The following MAP4K1 variants were observed in gnomAD, a reference collection of about 807,000 sequenced individuals.
The protein encoded by MAP4K1 is MAPK/ERK kinase kinase kinase 1.
A neutral mutation model predicts 122.8 loss-of-function variants in MAP4K1; 35 were observed. That is an observed-to-expected ratio of 0.29 (90% CI 0.22 to 0.38). The LOEUF (loss-of-function observed/expected upper bound fraction) is 0.38, where lower values mean the gene tolerates loss of function less well. Among genes scored for constraint, MAP4K1 ranks in the 10% least tolerant of loss-of-function variants. The pLI, the probability that MAP4K1 is intolerant of heterozygous loss-of-function variation, is 1.00. For synonymous variants in MAP4K1, 412 were observed against 421.3 expected, an observed-to-expected ratio of 0.98 and a Z score of 0.27; for missense variants, 791 against 1,072.6, an observed-to-expected ratio of 0.74 and a Z score of 3.67.
intron 17 of MAP4K1, 115 bp from the exon 18 acceptor site, chr19:38,605,845 C>G: frequency 1.0e-6 from 1 of 986,170 alleles, no homozygotes; most frequent in Non-Finnish European, 1.5e-6. Context: ...CTCTGACCCA[C>G]CCCCCCGACA....
At chr19:38,590,267 T>C (rs1883636179) in intron 30 of MAP4K1, among the ~76,000 whole-genome samples, 1 of 149,270 alleles carries the variant, frequency 6.7e-6, no homozygotes, top group South Asian at 2.1e-4. Flanking sequence ...TCCTTTAATT[T>C]TTAAAAAGGT....
rs1974920816 is a variant in MAP4K1, at chr19:38,597,327, C to T, written c.1836G>A (p.Val612=). The T allele has an allele frequency of 6.2e-7, 1 of 1,614,060 alleles. No homozygotes were observed. The highest frequency in any genetic ancestry group is 8.5e-7 in the Non-Finnish European group (1 of 1,180,040). ...QDTKGCRACC[V]AEGASSGGPF... Reference sequence around the variant, plus strand: ...CACACCCGTGAAGCTCTCTCTCACCCACACAGCACGCCCGGCAGCCTTTGG... The same window carrying T: ...CACACCCGTGAAGCTCTCTCTCACCTACACAGCACGCCCGGCAGCCTTTGG... Residue 612 remains valine, a splice_region_variant and synonymous_variant, in exon 24 of 31, where the codon GTG becomes GTA. Coordinates refer to ENST00000396857, the MANE Select transcript of MAP4K1 (RefSeq NM_001042600.3). The surrounding 1 kb of genome is among the most constrained non-coding windows in gnomAD (Gnocchi z 4.6).
chr19:38,588,458 AG>A (rs199546431), intron 30 of MAP4K1, among the ~76,000 whole-genome samples: 7 of 152,058 alleles, frequency 4.6e-5, no homozygotes, highest in African/African-American at 1.7e-4. Flanking sequence ...TGGGAGGCCA[AG>A]GGGGGCAGAT....
Position 38,600,061 on chromosome 19 carries a change from C to CGGTAT in MAP4K1, c.1608+11_1608+15dup, listed in dbSNP as rs1283287070. The CGGTAT allele has an allele frequency of 4.3e-6, 7 of 1,614,012 alleles. No homozygotes were observed. The highest frequency in any genetic ancestry group is 1.3e-5 in the African/African-American group (1 of 74,916). On this transcript the variant is annotated intron_variant, in intron 21 of 30. Coordinates refer to ENST00000396857, the MANE Select transcript of MAP4K1 (RefSeq NM_001042600.3). ...TCCGGCCCTTGCCCTTGCCCTGGCCCGGTATGGTTCCTCACCATTTCCAGC... is the reference window on the plus strand; with the variant it reads ...TCCGGCCCTTGCCCTTGCCCTGGCCCGGTATGGTATGGTTCCTCACCATTTCCAGC...
chr19:38,608,080 G>A (rs1269955477), intron 14 of MAP4K1, 32 bp downstream of exon 14: 4 of 1,562,570 alleles, frequency 2.6e-6, no homozygotes, highest in Non-Finnish European at 3.5e-6. Flanking sequence ...GAAGCAGGCG[G>A]TGTGGTGGGG....
chr19:38,597,017 C>A lies in MAP4K1; in HGVS notation c.1941+17G>T. The A allele has an allele frequency of 6.2e-7, 1 of 1,612,720 alleles. No individual in the cohort carries two copies. Among genetic ancestry groups the A allele is most frequent in the East Asian group, 2.2e-5 (1 of 44,874 alleles). On this transcript the variant is annotated intron_variant, in intron 25 of 30. Transcript: ENST00000396857. This position sits in a 1 kb window ranked among gnomAD's most constrained non-coding sequence, Gnocchi z 4.6. ...ACCCACTCCTCAGAGTTCCCAGCAC[C>A]CTCCCAAGCCCCTTACCCGGACAAG...
In MAP4K1 at chr19:38,597,704, G is replaced by T; in HGVS notation, c.1670-110C>A. 1.5e-6 allele frequency: 1 copy of T among 672,924 alleles called. No individual in the cohort carries two copies. Among genetic ancestry groups the T allele is most frequent in the Non-Finnish European group, 2.5e-6 (1 of 399,296 alleles). The allele number at this position is 672,924 out of a possible 1,614,324, so 41.7% of individuals were successfully genotyped here. On this transcript the variant is annotated intron_variant, in intron 22 of 30. Transcript: ENST00000396857. The surrounding 1 kb of genome is among the most constrained non-coding windows in gnomAD (Gnocchi z 4.6). The stretch of plus-strand genomic sequence containing the variant: ...CCATCCCTTTGTCTGAAACTCCCAA[G>T]CCTGCAAGTCTCAAGTACTTGTCAT...
intron 19 of MAP4K1, among the ~76,000 whole-genome samples, chr19:38,603,142 A>G (rs545816208): frequency 6.7e-6 from 1 of 149,414 alleles, no homozygotes; most frequent in Non-Finnish European, 1.5e-5. Flanking sequence ...ATATACATAT[A>G]TACACACATA....
At chr19:38,614,637 T>C (rs1436664997) in intron 4 of MAP4K1, 192 bp from the exon 5 acceptor site, 22 of 635,996 alleles carry the variant, frequency 3.5e-5, no homozygotes, top group Admixed American at 7.8e-5. Flanking sequence ...AAGAGGCCAA[T>C]AGGCCTGGCG....
intron 29 of MAP4K1, among the ~76,000 whole-genome samples, chr19:38,594,678 C>T (rs1044232801): frequency 6.6e-6 from 1 of 151,416 alleles, no homozygotes; most frequent in Non-Finnish European, 1.5e-5. Context: ...GTGGCTCACA[C>T]CTGTAATCCT....
chr19:38,596,109 CAA>C lies in MAP4K1; in HGVS notation c.2117-110_2117-109del, dbSNP rs748669229. ...TTTAGCCACCGCCTCAGTTCACAAG[CAA>C]GTGGGCTAAACCCCGCCCACCATCC... On this transcript the variant is annotated intron_variant, in intron 26 of 30. Transcript: ENST00000396857. 4.5e-5 allele frequency: 62 copies of C among 1,367,878 alleles called. 1 individual carries two copies. In the African/African-American group the frequency reaches 4.7e-4, roughly 10 times the overall value. 84.7% of individuals were successfully genotyped at this position (1,367,878 alleles called of 1,614,324 possible).
In MAP4K1 at chr19:38,597,116, C is replaced by T. The variant is rs1322266387; in HGVS notation, c.1859G>A (p.Gly620Asp). 1 of 1,614,152 alleles carries T rather than the reference C, an allele frequency of 6.2e-7. No homozygotes were observed. Among genetic ancestry groups the T allele is most frequent in the Non-Finnish European group, 8.5e-7 (1 of 1,180,006 alleles). Residue 620 changes from glycine to aspartate, a missense_variant, in exon 25 of 31, where the codon GGC becomes GAC. Physicochemically the swap from Gly to Asp is moderately conservative, Grantham distance 94. Coordinates refer to ENST00000396857, the MANE Select transcript of MAP4K1 (RefSeq NM_001042600.3). This position sits in a 1 kb window ranked among gnomAD's most constrained non-coding sequence, Gnocchi z 4.6. ...CCVAEGASSG[G>D]PFLCGALETS... ...CTCCAATGCACCGCACAGGAACGGG[C>T]CCCCAGAGCTCGCACCCTCCGCTGT...
rs760258603 is a variant in MAP4K1, at chr19:38,614,101, G to A, written c.418-16C>T. ...TGTTAGCTCCCTGGGAATGAGAGGG[G>A]ATATGGGAGGCTGCAGAGACTCTCC... is the stretch of plus-strand genomic sequence containing the variant. On this transcript the variant is annotated splice_polypyrimidine_tract_variant and intron_variant, in intron 6 of 30. Transcript: ENST00000396857. 5 of 1,613,542 alleles carry A rather than the reference G, an allele frequency of 3.1e-6. No homozygotes were observed. The highest frequency in any genetic ancestry group is 3.3e-5 in the Admixed American group (2 of 59,974).
chr19:38,605,345 C>G, intron 19 of MAP4K1, 64 bp downstream of exon 19: 1 of 1,215,594 alleles, frequency 8.2e-7, no homozygotes, highest in Non-Finnish European at 1.2e-6. Context: ...CACCCCCTCC[C>G]CACCCCACCA....
Position 38,599,889 on chromosome 19 carries a change from T to C in MAP4K1, c.1669+36A>G, listed in dbSNP as rs533929376. On this transcript the variant is annotated intron_variant, in intron 22 of 30. Coordinates refer to ENST00000396857, the MANE Select transcript of MAP4K1 (RefSeq NM_001042600.3). ...CCCCCGAACCCTTGGACCCCTTAAC[T>C]TCCGACCCCATCCCACCTGCTACCC... The C allele has an allele frequency of 2.5e-6, 4 of 1,609,408 alleles. No individual in the cohort carries two copies. In the South Asian group the frequency reaches 3.3e-5, roughly 13 times the overall value.
At chr19:38,595,184 G>A (rs1301617023) in intron 29 of MAP4K1, among the ~76,000 whole-genome samples, 1 of 151,918 alleles carries the variant, frequency 6.6e-6, no homozygotes, top group East Asian at 1.9e-4. Flanking sequence ...AGCTACTTGG[G>A]AGGCCGAGGC....
intron 22 of MAP4K1, among the ~76,000 whole-genome samples, chr19:38,599,682 T>G (rs142442442): frequency 7.2e-5 from 11 of 151,992 alleles, no homozygotes; most frequent in African/African-American, 2.7e-4. Context: ...AAAAAAAGAC[T>G]AATTTATTGT....
intron 22 of MAP4K1, among the ~76,000 whole-genome samples, chr19:38,599,049 C>A (rs1198017421): frequency 6.9e-6 from 1 of 145,170 alleles, no homozygotes; most frequent in African/African-American, 2.6e-5. Context: ...CTAATTTAGG[C>A]CAGGTGCGGT....
chr19:38,615,515 G>C (rs1418218094), intron 4 of MAP4K1, among the ~76,000 whole-genome samples: 1 of 152,066 alleles, frequency 6.6e-6, no homozygotes, highest in Non-Finnish European at 1.5e-5. Flanking sequence ...TGGGGAGACA[G>C]ACAGATTTAG....
Sources: allele counts gnomAD v4.1 joint callset (sites outside exome capture counted in the v4.1 genomes callset), GRCh38; gene constraint gnomAD v4.1.1; non-coding constraint Gnocchi (gnomAD v3.1); transcripts MANE v1.5; gene names NCBI Gene and HGNC (gene_info 2026-07-23, HGNC 2026-07-21).